SRPRA: variants seen among roughly 807,000 people sequenced by gnomAD.
The protein encoded by SRPRA is SRP receptor subunit alpha, also known as signal recognition particle receptor subunit alpha.
In SRPRA, 30 loss-of-function variants were observed where a neutral mutation model predicts 61.1. The observed-to-expected ratio is 0.49, with a 90% CI of 0.37 to 0.67. The LOEUF (loss-of-function observed/expected upper bound fraction) is 0.67, where lower values mean the gene tolerates loss of function less well. Among genes scored for constraint, SRPRA ranks in the 30% least tolerant of loss-of-function variants. The pLI is 0.00. For missense variants in SRPRA, 759 were observed against 828.4 expected (o/e 0.92, Z 1.03); for synonymous variants, 324 against 299.7 (o/e 1.08, Z -0.84).
At chr11:126,260,567 G>A (rs1950668745), downstream of SRPRA, 1 of 151,860 alleles carries the variant, frequency 6.6e-6, no homozygotes, top group African/African-American at 2.4e-5. Context: ...CCAGTTTTTT[G>A]TAAGTCATGT....
At position 126,265,527 on chromosome 11, in the gene SRPRA, T is replaced by A; in HGVS notation, c.1139-87A>T. 7.0e-7 allele frequency: 1 copy of A among 1,437,342 alleles called. No individual in the cohort carries two copies. The highest frequency in any genetic ancestry group is 9.4e-7 in the Non-Finnish European group (1 of 1,059,398). The allele number at this position is 1,437,342 out of a possible 1,614,324, so 89.0% of individuals were successfully genotyped here. ...TAACACCTTTCTGAGCTAAGGGGAC[T>A]AAAACAGTAAATTAGACTCTTGTCC... On this transcript the variant is annotated intron_variant, in intron 9 of 13. Coordinates refer to ENST00000332118, the MANE Select transcript of SRPRA (RefSeq NM_003139.4). The surrounding 1 kb of genome is among the most constrained non-coding windows in gnomAD (Gnocchi z 6.3).
chr11:126,249,731 C>CAAA, the SRPRA span, among the ~76,000 whole-genome samples: 108 of 78,768 alleles, frequency 1.4e-3, no homozygotes, highest in Middle Eastern at 9.1e-3. Flanking sequence ...GACTCCGTCT[C>CAAA]AAAAAAAAAA....
chr11:126,254,953 T>G, the SRPRA span, among the ~76,000 whole-genome samples: 1 of 152,232 alleles, frequency 6.6e-6, no homozygotes, highest in African/African-American at 2.4e-5. Context: ...TGTTTGTACT[T>G]AATTGACAAC....
Position 126,266,889 on chromosome 11 carries a change from A to G in SRPRA, c.560T>C (p.Val187Ala). The G allele has an allele frequency of 6.2e-7, 1 of 1,614,178 alleles. No homozygotes were observed. The highest frequency in any genetic ancestry group is 1.1e-5 in the South Asian group (1 of 91,076). ...TGGAAGACCTGACTTTTCTGCAGGG[A>G]CTGGTTTGCTGGTAGCCAAAGGACC... ...SDGPLATSKPVPAEKSGLPVG... is the reference protein window; with the variant it reads ...SDGPLATSKPAPAEKSGLPVG... Residue 187 changes from valine (V) to alanine (A), a missense_variant, in exon 5 of 14, where the codon GTC becomes GCC. By Grantham distance (64) the Val-to-Ala change is moderately conservative. Coordinates refer to ENST00000332118, the MANE Select transcript of SRPRA (RefSeq NM_003139.4).
At position 126,263,698 on chromosome 11, in the gene SRPRA, G is replaced by C. The variant is rs1950749852; in HGVS notation, c.*218C>G. 2 of 605,488 alleles carry C rather than the reference G, an allele frequency of 3.3e-6. No individual in the cohort carries two copies. Among genetic ancestry groups the C allele is most frequent in the Admixed American group, 3.2e-5 (1 of 31,036 alleles). 37.5% of individuals were successfully genotyped at this position (605,488 alleles called of 1,614,324 possible). ...GAGTAGGAAGGGGGAGGCCCGCTGG[G>C]AGAGGGTCAGTGGGCAGTGATTGTA... On this transcript the variant is annotated 3_prime_UTR_variant, in exon 14 of 14. Transcript: ENST00000332118.
chr11:126,244,431 A>G, the SRPRA span, among the ~76,000 whole-genome samples: 1 of 152,274 alleles, frequency 6.6e-6, no homozygotes, highest in Non-Finnish European at 1.5e-5. The surrounding 1 kb of genome is among the most constrained non-coding windows in gnomAD (Gnocchi z 4.5). Flanking sequence ...CTTGCAGTGA[A>G]CAATACTAAA....
At position 126,266,516 on chromosome 11, in the gene SRPRA, TTGG is replaced by T; in HGVS notation, c.797_799del (p.Thr266del). The T allele has an allele frequency of 6.2e-7, 1 of 1,614,204 alleles. No individual in the cohort carries two copies. The highest frequency in any genetic ancestry group is 2.2e-5 in the East Asian group (1 of 44,880). Reference sequence around the variant, plus strand: ...AGACAAGGCAGCCTCAGGGGTTCCATTGGTGGTGGGAGTACTGTAATCCAACAC... The same window carrying T: ...AGACAAGGCAGCCTCAGGGGTTCCATTGGTGGGAGTACTGTAATCCAACAC... On this transcript the variant is annotated inframe_deletion, in exon 6 of 14. Coordinates refer to ENST00000332118, the MANE Select transcript of SRPRA (RefSeq NM_003139.4).
the SRPRA span, among the ~76,000 whole-genome samples, chr11:126,236,605 G>T: frequency 6.6e-6 from 1 of 152,084 alleles, no homozygotes; most frequent in Non-Finnish European, 1.5e-5. Context: ...TTTAAAGCTG[G>T]CAACTAGTAC....
rs1463793369 is a variant in SRPRA at position 126,263,972 on chromosome 11, A to C, written c.1861T>G (p.Cys621Gly). The C allele has an allele frequency of 6.2e-7, 1 of 1,614,248 alleles. No individual in the cohort carries two copies. Among genetic ancestry groups the C allele is most frequent in the South Asian group, 1.1e-5 (1 of 91,080 alleles). The change falls in exon 14 of 14, where the codon TGT (cysteine) becomes GGT (glycine). Residue 621 changes from cysteine to glycine, a missense_variant. Transcript: ENST00000332118. ...TTGGCATTGAGGCTGCGTAGGTCAC[A>C]GTAGGTCTGGCCGGTGCCCACAAAG... is the stretch of plus-strand genomic sequence containing the variant. ...IVFVGTGQTY[C>G]DLRSLNAKAV...
In SRPRA at chr11:126,266,854, C is replaced by T. The variant is rs777013448; in HGVS notation, c.595G>A (p.Glu199Lys). Residue 199 changes from glutamate (E) to lysine (K), a missense_variant, in exon 5 of 14, where the codon GAG becomes AAG. Coordinates refer to ENST00000332118, the MANE Select transcript of SRPRA (RefSeq NM_003139.4). ...AEKSGLPVGP[E>K]NGVELSKEEL... ...TCTTTGGAAAGTTCTACTCCGTTCT[C>T]AGGACCCACTGGAAGACCTGACTTT... 25 of 1,614,112 alleles carry T rather than the reference C, an allele frequency of 1.5e-5. No homozygotes were observed. In the Admixed American group the frequency reaches 1.7e-4, roughly 11 times the overall value.
the SRPRA span, among the ~76,000 whole-genome samples, chr11:126,251,789 T>C: frequency 6.6e-6 from 1 of 151,720 alleles, no homozygotes; most frequent in Non-Finnish European, 1.5e-5. Context: ...TTCAAGTGAT[T>C]CTCCTGCCTC....
At position 126,264,707 on chromosome 11, in the gene SRPRA, A is replaced by C; in HGVS notation, c.1526-168T>G. The C allele has an allele frequency of 1.2e-6, 1 of 856,538 alleles. No homozygotes were observed. The highest frequency in any genetic ancestry group is 1.8e-6 in the Non-Finnish European group (1 of 570,476). The allele number at this position is 856,538 out of a possible 1,614,324, so 53.1% of individuals were successfully genotyped here. ...TGATTATATGCTTGGCCATCACCAA[A>C]CATATTCAGGAAAAGGAGGACAACA... On this transcript the variant is annotated intron_variant, in intron 11 of 13. Transcript: ENST00000332118. The surrounding 1 kb of genome is among the most constrained non-coding windows in gnomAD (Gnocchi z 5.0).
At chr11:126,256,817 G>A in the SRPRA span, 245 of 1,612,100 alleles carry the variant, frequency 1.5e-4, 2 homozygotes, top group Admixed American at 2.3e-3. The surrounding 1 kb of genome is among the most constrained non-coding windows in gnomAD (Gnocchi z 6.6). Flanking sequence ...TATTTCAAGC[G>A]ACTGACATGT....
rs1228368401 is a variant in SRPRA, at chr11:126,265,263, C to A, written c.1311+5G>T. 1 of 1,614,012 alleles carries A rather than the reference C, an allele frequency of 6.2e-7. No homozygotes were observed. Among genetic ancestry groups the A allele is most frequent in the South Asian group, 1.1e-5 (1 of 91,080 alleles). Reference sequence around the variant, plus strand: ...ATCAGCGATAGGCTGGGGAACTGCACTGACCTTGGCAAGATTAGTAGATTT... The same window carrying A: ...ATCAGCGATAGGCTGGGGAACTGCAATGACCTTGGCAAGATTAGTAGATTT... On this transcript the variant is annotated splice_donor_5th_base_variant and intron_variant, in intron 10 of 13. Transcript: ENST00000332118. The surrounding 1 kb of genome is among the most constrained non-coding windows in gnomAD (Gnocchi z 6.3).
Position 126,266,464 on chromosome 11 carries a change from G to A in SRPRA, c.840+12C>T, listed in dbSNP as rs1950812170. The A allele has an allele frequency of 1.2e-6, 2 of 1,612,170 alleles. No homozygotes were observed. On this transcript the variant is annotated intron_variant, in intron 6 of 13. Transcript: ENST00000332118. ...GTTGTTAAAGATCACTTTGACCCCTGTTACCTCTTACCAGGTTGATGTCCT... is the reference window on the plus strand; with the variant it reads ...GTTGTTAAAGATCACTTTGACCCCTATTACCTCTTACCAGGTTGATGTCCT...
At position 126,263,567 on chromosome 11, in the gene SRPRA, C is replaced by T. The variant is rs551735519; in HGVS notation, c.*349G>A. 3.0e-4 allele frequency: 64 copies of T among 212,904 alleles called. No homozygotes were observed. In the East Asian group the frequency reaches 3.3e-3, roughly 11 times the overall value. The allele number at this position is 212,904 out of a possible 1,614,324, so 13.2% of individuals were successfully genotyped here. On this transcript the variant is annotated 3_prime_UTR_variant, in exon 14 of 14. Transcript: ENST00000332118. The stretch of plus-strand genomic sequence containing the variant: ...GCAGCTGGGACTCATTAGGCTCAGA[C>T]GGCTCTTGACCACACTAATTATTAG...
chr11:126,263,631 T>C lies in SRPRA; in HGVS notation c.*285A>G, dbSNP rs768402630. ...TTGGGTTCCAACCATTGGTCAAAGC[T>C]GTAATAAGACTGAGTCTGTAGGCAG... On this transcript the variant is annotated 3_prime_UTR_variant, in exon 14 of 14. Coordinates refer to ENST00000332118, the MANE Select transcript of SRPRA (RefSeq NM_003139.4). 8.2e-6 allele frequency: 3 copies of C among 364,804 alleles called. No individual in the cohort carries two copies. Among genetic ancestry groups the C allele is most frequent in the Non-Finnish European group, 1.5e-5 (3 of 197,230 alleles). 22.6% of individuals were successfully genotyped at this position (364,804 alleles called of 1,614,324 possible).
chr11:126,262,080 T>C (rs1160664093), downstream of SRPRA: 6 of 1,613,012 alleles, frequency 3.7e-6, no homozygotes, highest in Admixed American at 1.7e-5. Context: ...AAACCTGTTT[T>C]GTGAAACTTC....
At chr11:126,240,742 C>T in the SRPRA span, 2 of 1,519,048 alleles carry the variant, frequency 1.3e-6, no homozygotes, top group Non-Finnish European at 1.8e-6. Flanking sequence ...TTTCTGTGTG[C>T]CTCATATCTA....
Sources: allele counts gnomAD v4.1 joint callset (sites outside exome capture counted in the v4.1 genomes callset), GRCh38; gene constraint gnomAD v4.1.1; non-coding constraint Gnocchi (gnomAD v3.1); transcripts MANE v1.5; gene names NCBI Gene and HGNC (gene_info 2026-07-23, HGNC 2026-07-21).